GPR132: variants seen among roughly 807,000 people sequenced by gnomAD.
GPR132 encodes probable G protein-coupled receptor 132.
Under a neutral mutation model 1.9 loss-of-function variants are expected in GPR132, and 4 were observed. The observed-to-expected ratio is 2.13, with a 90% CI of 1.05 to 4.87. GPR132 has a LOEUF of 4.87. Among genes scored for constraint, GPR132 ranks in the 30% most tolerant of loss-of-function variants. GPR132 has a pLI of 0.01. For synonymous variants in GPR132, 233 were observed against 234.2 expected, an observed-to-expected ratio of 0.99 and a Z score of 0.05; for missense variants, 404 against 512.5, an observed-to-expected ratio of 0.79 and a Z score of 2.04.
Position 105,056,194 on chromosome 14 carries a change from C to T in GPR132, c.-746-28G>A, listed in dbSNP as rs1886788099. ...GGGCAGAGGGAGAGAGTGGGTGTGA[C>T]TGGGCTGCCTCACACTCAGTTGTCA... On this transcript the variant is annotated intron_variant, in intron 2 of 3. Coordinates refer to ENST00000329797, the MANE Select transcript of GPR132 (RefSeq NM_013345.4). This position sits in a 1 kb window ranked among gnomAD's most constrained non-coding sequence, Gnocchi z 6.0. The T allele has an allele frequency of 6.1e-6, 6 of 984,716 alleles. No individual in the cohort carries two copies. The highest frequency in any genetic ancestry group is 1.7e-5 in the African/African-American group (1 of 57,210). 61.0% of individuals were successfully genotyped at this position (984,716 alleles called of 1,614,324 possible).
At position 105,050,250 on chromosome 14, in the gene GPR132, C is replaced by T. The variant is rs1419559087; in HGVS notation, c.*744G>A. On this transcript the variant is annotated 3_prime_UTR_variant, in exon 4 of 4. Coordinates refer to ENST00000329797, the MANE Select transcript of GPR132 (RefSeq NM_013345.4). This position sits in a 1 kb window ranked among gnomAD's most constrained non-coding sequence, Gnocchi z 4.0. ...CCACCCTGTACGGACCCCTCACCAG[C>T]ATCTCCCCGAGGATGCCGCTGGGGA... 6.6e-6 allele frequency: 1 copy of T among 152,514 alleles called. No homozygotes were observed. The highest frequency in any genetic ancestry group is 6.5e-5 in the Admixed American group (1 of 15,296). 9.4% of individuals were successfully genotyped at this position (152,514 alleles called of 1,614,324 possible).
intron 3 of GPR132, among the ~76,000 whole-genome samples, chr14:105,052,927 C>T (rs1390785068): frequency 2.0e-5 from 3 of 150,646 alleles, no homozygotes; most frequent in Non-Finnish European, 4.4e-5. Context: ...CCGCTGTACT[C>T]CAGCCTGGGC....
Position 105,051,434 on chromosome 14 carries a change from C to G in GPR132, c.703G>C (p.Ala235Pro). 7 of 1,614,134 alleles carry G rather than the reference C, an allele frequency of 4.3e-6. No homozygotes were observed. The highest frequency in any genetic ancestry group is 5.9e-6 in the Non-Finnish European group (7 of 1,180,040). The part of the protein sequence containing the change: ...SIKQSMGLSA[A>P]QKAKVKHSAI... Reference sequence around the variant, plus strand: ...GAGTGCTTCACCTTGGCCTTCTGGGCAGCGCTTAAGCCCATGCTCTGCTTG... The same window carrying G: ...GAGTGCTTCACCTTGGCCTTCTGGGGAGCGCTTAAGCCCATGCTCTGCTTG... The change falls in exon 4 of 4, where the codon GCC (alanine) becomes CCC (proline). Residue 235 changes from alanine to proline, a missense_variant. By Grantham distance (27) the Ala-to-Pro change is conservative (BLOSUM62 -1). Transcript: ENST00000329797. This position sits in a 1 kb window ranked among gnomAD's most constrained non-coding sequence, Gnocchi z 8.0.
At position 105,051,274 on chromosome 14, in the gene GPR132, G is replaced by A. The variant is rs1886629317; in HGVS notation, c.863C>T (p.Thr288Ile). 1 of 1,613,776 alleles carries A rather than the reference G, an allele frequency of 6.2e-7. No homozygotes were observed. The highest frequency in any genetic ancestry group is 1.3e-5 in the African/African-American group (1 of 74,944). Reference sequence around the variant, plus strand: ...CAGGCACAGAAACACCACAGAGGCTGTGTACAGCCTTTCCTCCAAGCCGCA... The same window carrying A: ...CAGGCACAGAAACACCACAGAGGCTATGTACAGCCTTTCCTCCAAGCCGCA... ...AMCGLEERLY[T>I]ASVVFLCLST... is the part of the protein sequence containing the mutation. The change falls in exon 4 of 4, where the codon ACA becomes ATA. Residue 288 changes from threonine (T) to isoleucine (I), a missense_variant. Physicochemically the swap from Thr to Ile is moderately conservative, Grantham distance 89 (BLOSUM62 -1). Coordinates refer to ENST00000329797, the MANE Select transcript of GPR132 (RefSeq NM_013345.4). This position sits in a 1 kb window ranked among gnomAD's most constrained non-coding sequence, Gnocchi z 8.0.
rs1379699256 is a variant in GPR132 at position 105,059,265 on chromosome 14, GTGGC to G, written c.-860-1989_-860-1986del. Among the ~76,000 whole-genome samples the G allele has an allele frequency of 2.0e-5, 3 of 152,202 alleles. No homozygotes were observed. Among genetic ancestry groups the G allele is most frequent in the Non-Finnish European group, 4.4e-5 (3 of 68,028 alleles). On this transcript the variant is annotated intron_variant, in intron 1 of 3. Coordinates refer to ENST00000329797, the MANE Select transcript of GPR132 (RefSeq NM_013345.4). The surrounding 1 kb of genome is among the most constrained non-coding windows in gnomAD (Gnocchi z 4.2). ...CACTTGCTCTTCCCGCCCATCCCAC[GTGGC>G]TCTTGCAGGAATTCTCTGGAAGCTG... is the stretch of plus-strand genomic sequence containing the variant.
rs773888226 is a variant in GPR132, at chr14:105,055,372, T to C, written c.34+15A>G. The C allele has an allele frequency of 1.9e-5, 15 of 780,804 alleles. No individual in the cohort carries two copies. In the South Asian group the frequency reaches 2.0e-4, roughly 10 times the overall value. 48.4% of individuals were successfully genotyped at this position (780,804 alleles called of 1,614,324 possible). ...GTGGAAAATTGTGGCAAAATACACATAACAAGGAATTTACCATTGTAACCG... is the reference window on the plus strand; with the variant it reads ...GTGGAAAATTGTGGCAAAATACACACAACAAGGAATTTACCATTGTAACCG... On this transcript the variant is annotated intron_variant, in intron 3 of 3. Transcript: ENST00000329797. The surrounding 1 kb of genome is among the most constrained non-coding windows in gnomAD (Gnocchi z 4.7).
chr14:105,051,813 C>A lies in GPR132; in HGVS notation c.324G>T (p.Trp108Cys). Residue 108 changes from tryptophan to cysteine, a missense_variant, in exon 4 of 4, where the codon TGG becomes TGT. Trp to Cys is a radical substitution (Grantham distance 215). Coordinates refer to ENST00000329797, the MANE Select transcript of GPR132 (RefSeq NM_013345.4). The surrounding 1 kb of genome is among the most constrained non-coding windows in gnomAD (Gnocchi z 8.0). ...CCTTGCAGGCCAGCAGGCCTAGGGT[C>A]CAGCGGTGCTGGTTGCGGATATAGA... Reference protein sequence around the residue: ...WVIYIRNQHRWTLGLLACKVT... With the variant: ...WVIYIRNQHRCTLGLLACKVT... The A allele has an allele frequency of 6.2e-7, 1 of 1,614,146 alleles. No homozygotes were observed. The highest frequency in any genetic ancestry group is 8.5e-7 in the Non-Finnish European group (1 of 1,180,026).
chr14:105,050,731 G>A lies in GPR132; in HGVS notation c.*263C>T, dbSNP rs968977836. On this transcript the variant is annotated 3_prime_UTR_variant, in exon 4 of 4. Transcript: ENST00000329797. This position sits in a 1 kb window ranked among gnomAD's most constrained non-coding sequence, Gnocchi z 4.0. ...AAGGGAGCCAGCCAGGCAGGCTGCT[G>A]ATGAAGAGGCCCCACTGCCTGCCAC... 22 of 521,930 alleles carry A rather than the reference G, an allele frequency of 4.2e-5. No individual in the cohort carries two copies. The South Asian group carries it at 5.9e-4, about 14-fold the overall frequency. 32.3% of individuals were successfully genotyped at this position (521,930 alleles called of 1,614,324 possible). A position where few individuals can be genotyped will look rare whatever the true frequency, so the allele number is the denominator to read the frequency against.
chr14:105,057,803 C>T (rs1886841610), intron 1 of GPR132: 1 of 151,748 alleles, frequency 6.6e-6, no homozygotes, highest in Non-Finnish European at 1.5e-5. Flanking sequence ...ATTCTCCTGT[C>T]TTAGCCTCCC....
intron 1 of GPR132, among the ~76,000 whole-genome samples, chr14:105,061,146 C>T (rs1009803448): frequency 1.6e-4 from 25 of 152,256 alleles, no homozygotes; most frequent in Admixed American, 3.9e-4. Context: ...GCAGGGCAGC[C>T]GGAGAGCCGG....
At chr14:105,064,576 C>T (rs553182672) in intron 1 of GPR132, among the ~76,000 whole-genome samples, 2 of 152,252 alleles carry the variant, frequency 1.3e-5, no homozygotes, top group South Asian at 4.1e-4. Context: ...TCAAGTGATC[C>T]GCCCACCTCG....
rs957366986 is a variant in GPR132, at chr14:105,063,526, C to G, written c.-861+1853G>C. ...AGTAGCTGGGATTAGCAGGCGCCTG[C>G]CACCATGCCCGGCTAATTTTTTGTA... On this transcript the variant is annotated intron_variant, in intron 1 of 3. Coordinates refer to ENST00000329797, the MANE Select transcript of GPR132 (RefSeq NM_013345.4). Among the ~76,000 whole-genome samples the G allele has an allele frequency of 1.2e-3, 177 of 152,080 alleles. 2 individuals are homozygous for G. The highest frequency in any genetic ancestry group is 5.8e-4 in the East Asian group (3 of 5,148).
chr14:105,052,205 A>ACC, intron 3 of GPR132, 103 bp from the exon 4 acceptor site: 6 of 889,378 alleles, frequency 6.7e-6, no homozygotes, highest in South Asian at 3.8e-5. Flanking sequence ...AGCTCAGACT[A>ACC]GACACACGCA....
intron 1 of GPR132, among the ~76,000 whole-genome samples, chr14:105,061,375 G>A (rs1323827128): frequency 6.6e-6 from 1 of 152,258 alleles, no homozygotes; most frequent in Non-Finnish European, 1.5e-5. Flanking sequence ...GGTCCCGCCA[G>A]CACCTGCTCA....
chr14:105,061,903 C>T (rs1014874146), intron 1 of GPR132, among the ~76,000 whole-genome samples: 5 of 152,236 alleles, frequency 3.3e-5, no homozygotes, highest in Admixed American at 2.6e-4. Flanking sequence ...ACTTCTGAAA[C>T]AGCAGCAAGG....
At position 105,051,509 on chromosome 14, in the gene GPR132, T is replaced by C. The variant is rs367703756; in HGVS notation, c.628A>G (p.Ile210Val). 1.2e-6 allele frequency: 2 copies of C among 1,613,884 alleles called. No individual in the cohort carries two copies. Among genetic ancestry groups the C allele is most frequent in the African/African-American group, 2.7e-5 (2 of 74,908 alleles). Reference protein sequence around the residue: ...YYARFTVGFAIPLSIIAFTNH... With the variant: ...YYARFTVGFAVPLSIIAFTNH... ...GTGAAGGCGATGATGGAGAGAGGGA[T>C]GGCAAAGCCAACGGTGAACCTGGCG... The change falls in exon 4 of 4, where the codon ATC (isoleucine) becomes GTC (valine). Residue 210 changes from isoleucine to valine, a missense_variant. Coordinates refer to ENST00000329797, the MANE Select transcript of GPR132 (RefSeq NM_013345.4). This position sits in a 1 kb window ranked among gnomAD's most constrained non-coding sequence, Gnocchi z 8.0.
chr14:105,056,050 G>A lies in GPR132; in HGVS notation c.-630C>T. ...GGGTGCCTCCGCGCTGTTCTCCACGGTGGTGGCGCTGGCCCACCTTCCCCC... is the reference window on the plus strand; with the variant it reads ...GGGTGCCTCCGCGCTGTTCTCCACGATGGTGGCGCTGGCCCACCTTCCCCC... On this transcript the variant is annotated 5_prime_UTR_variant, in exon 3 of 4. Coordinates refer to ENST00000329797, the MANE Select transcript of GPR132 (RefSeq NM_013345.4). The surrounding 1 kb of genome is among the most constrained non-coding windows in gnomAD (Gnocchi z 6.0). The A allele has an allele frequency of 1.4e-6, 1 of 732,488 alleles. No homozygotes were observed. The highest frequency in any genetic ancestry group is 1.9e-5 in the African/African-American group (1 of 52,620). 45.4% of individuals were successfully genotyped at this position (732,488 alleles called of 1,614,324 possible).
chr14:105,052,183 A>C lies in GPR132; in HGVS notation c.35-81T>G, dbSNP rs562745045. The stretch of plus-strand genomic sequence containing the variant: ...ACTCTACTGTGGGAAGAAAGGATAG[A>C]AGCTTTGTGGTAGCTCAGACTAGAC... On this transcript the variant is annotated intron_variant, in intron 3 of 3. Transcript: ENST00000329797. 3 of 1,229,478 alleles carry C rather than the reference A, an allele frequency of 2.4e-6. No individual in the cohort carries two copies. In the South Asian group the frequency reaches 4.6e-5, roughly 19 times the overall value. 76.2% of individuals were successfully genotyped at this position (1,229,478 alleles called of 1,614,324 possible).
Position 105,055,725 on chromosome 14 carries a change from T to G in GPR132, c.-305A>C. On this transcript the variant is annotated 5_prime_UTR_variant, in exon 3 of 4. Coordinates refer to ENST00000329797, the MANE Select transcript of GPR132 (RefSeq NM_013345.4). The surrounding 1 kb of genome is among the most constrained non-coding windows in gnomAD (Gnocchi z 4.7). ...TTTCAAAGGCGGGATGGTATTCCAT[T>G]GTATTCAGTGTGTCCTCCAGGGTCT... The G allele has an allele frequency of 2.1e-6, 1 of 469,212 alleles. No individual in the cohort carries two copies. Among genetic ancestry groups the G allele is most frequent in the Non-Finnish European group, 3.8e-6 (1 of 262,708 alleles). The allele number at this position is 469,212 out of a possible 1,614,324, so 29.1% of individuals were successfully genotyped here.
Sources: gnomAD v4.1 joint callset for allele counts (sites outside exome capture counted in the v4.1 genomes callset) on GRCh38, gnomAD v4.1.1 for gene constraint, Gnocchi (gnomAD v3.1) non-coding constraint, MANE v1.5 for transcripts, NCBI Gene and HGNC (gene_info 2026-07-23, HGNC 2026-07-21) for gene names.